The following ANKRD17 variants were observed in gnomAD, a reference collection of about 807,000 sequenced individuals.
The protein encoded by ANKRD17 is ankyrin repeat domain-containing protein 17.
In ANKRD17, 19 loss-of-function variants were observed where a neutral mutation model predicts 229.7. The ratio of observed to expected loss-of-function variants is 0.08; its 90% CI spans 0.06 to 0.12. ANKRD17 has a LOEUF of 0.12. ANKRD17 is among the 10% of genes least tolerant of loss of function. ANKRD17 has a pLI of 1.00. For missense variants in ANKRD17, 2,176 were observed against 3,176.8 expected, an observed-to-expected ratio of 0.68 and a Z score of 7.57; for synonymous variants, 1,112 against 1,146.1, an observed-to-expected ratio of 0.97 and a Z score of 0.60.
chr4:73,144,724 A>C, intron 11 of ANKRD17, 21 bp downstream of exon 11: 1 of 1,504,110 alleles, frequency 6.6e-7, no homozygotes, highest in East Asian at 2.4e-5. Context: ...AAAAAAAGAC[A>C]ACTGTTTTAT....
In ANKRD17 at chr4:73,091,109, C is replaced by T; in HGVS notation, c.6519G>A (p.Met2173Ile). 2 of 1,614,106 alleles carry T rather than the reference C, an allele frequency of 1.2e-6. No homozygotes were observed. Among genetic ancestry groups the T allele is most frequent in the Non-Finnish European group, 1.7e-6 (2 of 1,180,030 alleles). ...PMGCPQPTPK[M>I]ETPAIRPPPH... is the part of the protein sequence containing the mutation. Reference sequence around the variant, plus strand: ...GGGGTGGTCTAATAGCAGGGGTTTCCATTTTAGGAGTAGGCTGGGGGCATC... The same window carrying T: ...GGGGTGGTCTAATAGCAGGGGTTTCTATTTTAGGAGTAGGCTGGGGGCATC... The change falls in exon 29 of 34, where the codon ATG becomes ATA. Residue 2173 changes from methionine to isoleucine, a missense_variant. Transcript: ENST00000358602.
intron 1 of ANKRD17, among the ~76,000 whole-genome samples, chr4:73,203,773 A>AG (rs1042668737): frequency 1.9e-4 from 28 of 151,158 alleles, no homozygotes; most frequent in Non-Finnish European, 3.0e-4. Flanking sequence ...AAAAAAAAAA[A>AG]AAAAAAGAAA....
intron 1 of ANKRD17, among the ~76,000 whole-genome samples, chr4:73,192,023 A>G (rs1436430460): frequency 6.6e-6 from 1 of 152,082 alleles, no homozygotes; most frequent in African/African-American, 2.4e-5. Context: ...AGCTACCTTA[A>G]GAATAAAGCA....
At chr4:73,196,782 C>G (rs1013694760) in intron 1 of ANKRD17, among the ~76,000 whole-genome samples, 6 of 152,098 alleles carry the variant, frequency 3.9e-5, no homozygotes, top group Non-Finnish European at 8.8e-5. Context: ...TGTTTGCTAT[C>G]TTAGCTTATT....
chr4:73,133,378 G>C (rs1182217487), intron 16 of ANKRD17, among the ~76,000 whole-genome samples: 1 of 148,570 alleles, frequency 6.7e-6, no homozygotes, highest in Non-Finnish European at 1.5e-5. Context: ...CTCATCAAAT[G>C]AATGTCTCGT....
intron 1 of ANKRD17, among the ~76,000 whole-genome samples, chr4:73,193,989 G>A (rs1578346710): frequency 6.6e-6 from 1 of 152,082 alleles, no homozygotes; most frequent in Admixed American, 6.6e-5. Flanking sequence ...TGATTTGTGA[G>A]AATTCTTAAT....
At chr4:73,174,333 T>A (rs1419550878) in intron 2 of ANKRD17, among the ~76,000 whole-genome samples, 1 of 152,098 alleles carries the variant, frequency 6.6e-6, no homozygotes, top group East Asian at 1.9e-4. Flanking sequence ...AAACAAAAAT[T>A]GCATGATCAT....
At chr4:73,235,172 A>C (rs1743390023) in intron 1 of ANKRD17, among the ~76,000 whole-genome samples, 1 of 151,968 alleles carries the variant, frequency 6.6e-6, no homozygotes, top group African/African-American at 2.4e-5. Context: ...TTTTATGGGG[A>C]ATGTATTCAT....
chr4:73,244,286 T>G (rs1448728534), intron 1 of ANKRD17, among the ~76,000 whole-genome samples: 1 of 152,076 alleles, frequency 6.6e-6, no homozygotes, highest in African/African-American at 2.4e-5. Flanking sequence ...GACACACAGT[T>G]CAGCCCATAA....
intron 27 of ANKRD17, 50 bp downstream of exon 27, chr4:73,097,067 T>C (rs376437079): frequency 2.6e-6 from 4 of 1,552,932 alleles, no homozygotes; most frequent in African/African-American, 2.8e-5. Context: ...TAGATAACAC[T>C]TGACTGTGAT....
At chr4:73,140,938 A>C (rs952932699) in intron 14 of ANKRD17, among the ~76,000 whole-genome samples, 9 of 152,196 alleles carry the variant, frequency 5.9e-5, no homozygotes, top group African/African-American at 2.2e-4. Context: ...TATGCCATCC[A>C]CTGTATCTTC....
chr4:73,240,528 G>A, intron 1 of ANKRD17, among the ~76,000 whole-genome samples: 1 of 151,956 alleles, frequency 6.6e-6, no homozygotes. Flanking sequence ...GGGAGGCTGA[G>A]GTGGGAGGAA....
chr4:73,249,316 G>A (rs763949481), intron 1 of ANKRD17, among the ~76,000 whole-genome samples: 7 of 152,200 alleles, frequency 4.6e-5, no homozygotes, highest in Non-Finnish European at 5.9e-5. Context: ...AAAGTGAAAG[G>A]TTAAATTAGG....
At chr4:73,078,272 G>A (rs2110084821) in intron 31 of ANKRD17, among the ~76,000 whole-genome samples, 1 of 152,330 alleles carries the variant, frequency 6.6e-6, no homozygotes, top group Non-Finnish European at 1.5e-5. Context: ...AGCTACTTGG[G>A]AGGATGAGGC....
At chr4:73,078,574 T>G in intron 31 of ANKRD17, 68 bp downstream of exon 31, 1 of 1,518,834 alleles carries the variant, frequency 6.6e-7, no homozygotes, top group Non-Finnish European at 8.9e-7. Context: ...CTATTAAAGT[T>G]AAATACTGTT....
intron 24 of ANKRD17, 179 bp from the exon 25 acceptor site, chr4:73,102,726 A>G: frequency 1.6e-6 from 1 of 606,728 alleles, no homozygotes; most frequent in East Asian, 3.2e-5. Flanking sequence ...TATTTTTACA[A>G]TATCAAGATC....
At chr4:73,223,277 T>C (rs1282038551) in intron 1 of ANKRD17, among the ~76,000 whole-genome samples, 1 of 152,184 alleles carries the variant, frequency 6.6e-6, no homozygotes, top group East Asian at 1.9e-4. Flanking sequence ...ATAAAGTCTC[T>C]TATTTTACCA....
At chr4:73,142,133 G>GAACT in intron 13 of ANKRD17, 109 bp downstream of exon 13, 1 of 1,134,068 alleles carries the variant, frequency 8.8e-7, no homozygotes, top group Non-Finnish European at 1.2e-6. Flanking sequence ...TTTACAAACA[G>GAACT]AACTACATAT....
In ANKRD17 at chr4:73,085,466, C is replaced by A. The variant is rs1176204802; in HGVS notation, c.6962-20G>T. 6.3e-7 allele frequency: 1 copy of A among 1,593,918 alleles called. No individual in the cohort carries two copies. The highest frequency in any genetic ancestry group is 1.1e-5 in the South Asian group (1 of 90,584). On this transcript the variant is annotated intron_variant, in intron 29 of 33. Coordinates refer to ENST00000358602, the MANE Select transcript of ANKRD17 (RefSeq NM_032217.5). ...CAATACCTATAATGTAGAAGGTCAT[C>A]ATAATTTATAATAGTTACTCCTGCA...
Sources: allele counts gnomAD v4.1 joint callset (sites outside exome capture counted in the v4.1 genomes callset), GRCh38; gene constraint gnomAD v4.1.1; transcripts MANE v1.5; gene names NCBI Gene and HGNC (gene_info 2026-07-23, HGNC 2026-07-21).